TAFA2: variants seen among roughly 807,000 people sequenced by gnomAD.
TAFA2 encodes the protein chemokine-like protein TAFA-2.
A neutral mutation model predicts 18.8 loss-of-function variants in TAFA2; 7 were observed. The ratio of observed to expected loss-of-function variants is 0.37; its 90% CI spans 0.21 to 0.70. TAFA2 has a LOEUF of 0.70. Among genes scored for constraint, TAFA2 ranks in the 30% least tolerant of loss-of-function variants. The pLI, the probability that TAFA2 is intolerant of heterozygous loss-of-function variation, is 0.53. For missense variants in TAFA2, 122 were observed against 158.1 expected (o/e 0.77, Z 1.23); for synonymous variants, 60 against 54.2 (o/e 1.11, Z -0.47).
chr12:61,832,286 T>C (rs1403498282), intron 2 of TAFA2, among the ~76,000 whole-genome samples: 1 of 152,068 alleles, frequency 6.6e-6, no homozygotes, highest in Non-Finnish European at 1.5e-5. Context: ...ACCTGCCAGA[T>C]GTTCCCTCTG....
At chr12:61,933,960 G>C (rs1303521692) in intron 1 of TAFA2, among the ~76,000 whole-genome samples, 1 of 152,194 alleles carries the variant, frequency 6.6e-6, no homozygotes, top group South Asian at 2.1e-4. Flanking sequence ...CACTTGCTTT[G>C]AGTTGCAGTT....
intron 1 of TAFA2, among the ~76,000 whole-genome samples, chr12:62,064,449 G>A (rs1235702302): frequency 6.6e-6 from 1 of 151,870 alleles, no homozygotes; most frequent in Non-Finnish European, 1.5e-5. Flanking sequence ...TCTTATTAAT[G>A]TATTGCCAGT....
At chr12:61,803,020 T>C (rs1871461758) in intron 2 of TAFA2, among the ~76,000 whole-genome samples, 1 of 151,980 alleles carries the variant, frequency 6.6e-6, no homozygotes, top group Admixed American at 6.6e-5. Context: ...AGCTGTCTCT[T>C]AATAACAGTT....
At chr12:62,186,622 G>A (rs1052301247) in intron 1 of TAFA2, among the ~76,000 whole-genome samples, 1 of 152,108 alleles carries the variant, frequency 6.6e-6, no homozygotes, top group Non-Finnish European at 1.5e-5. Context: ...GCTGGGGAAA[G>A]GGAGATGTAA....
chr12:61,812,812 C>G (rs141478374), intron 2 of TAFA2, among the ~76,000 whole-genome samples: 3 of 151,184 alleles, frequency 2.0e-5, no homozygotes, highest in Admixed American at 6.6e-5. Flanking sequence ...TCAGGTGATC[C>G]ACCCACCTCA....
At chr12:62,157,950 A>C (rs1297911390) in intron 1 of TAFA2, among the ~76,000 whole-genome samples, 2 of 152,222 alleles carry the variant, frequency 1.3e-5, no homozygotes, top group Non-Finnish European at 2.9e-5. Context: ...CACAAAGTGC[A>C]CCATAAATAC....
chr12:61,870,822 C>T (rs937835151), intron 1 of TAFA2, among the ~76,000 whole-genome samples: 3 of 152,108 alleles, frequency 2.0e-5, no homozygotes, highest in South Asian at 4.1e-4. Flanking sequence ...TGCCCAAGAC[C>T]GTGTTGAGTG....
At chr12:62,058,628 T>C (rs1882252652) in intron 1 of TAFA2, among the ~76,000 whole-genome samples, 2 of 50,560 alleles carry the variant, frequency 4.0e-5, no homozygotes, top group African/African-American at 4.9e-5. Context: ...CCTCCCCCCT[T>C]TTTTTTCTGT....
intron 1 of TAFA2, among the ~76,000 whole-genome samples, chr12:62,171,949 G>C (rs1171624050): frequency 6.6e-6 from 1 of 152,046 alleles, no homozygotes; most frequent in Non-Finnish European, 1.5e-5. Flanking sequence ...TAAGAAACTG[G>C]CCAGAAGCCC....
At chr12:62,119,331 A>G (rs1304791007) in intron 1 of TAFA2, among the ~76,000 whole-genome samples, 7 of 150,130 alleles carry the variant, frequency 4.7e-5, no homozygotes, top group African/African-American at 7.4e-5. Flanking sequence ...CAATACTATC[A>G]AATACAATCA....
At chr12:61,914,453 G>T (rs1876737254) in intron 1 of TAFA2, among the ~76,000 whole-genome samples, 1 of 152,168 alleles carries the variant, frequency 6.6e-6, no homozygotes, top group South Asian at 2.1e-4. Flanking sequence ...TATAAGGTTG[G>T]AAATGCATTC....
intron 4 of TAFA2, among the ~76,000 whole-genome samples, chr12:61,722,736 C>G (rs140670323): frequency 4.3e-4 from 65 of 152,036 alleles, no homozygotes; most frequent in Non-Finnish European, 3.2e-4. Context: ...TCCTATATGT[C>G]TTATCTCTAA....
chr12:61,885,701 C>T (rs759972426), intron 1 of TAFA2, among the ~76,000 whole-genome samples: 5 of 152,184 alleles, frequency 3.3e-5, no homozygotes, highest in Admixed American at 1.3e-4. Flanking sequence ...TGGAAAACTA[C>T]ATAATTGTCC....
intron 1 of TAFA2, among the ~76,000 whole-genome samples, chr12:61,881,827 G>T (rs1281373941): frequency 3.9e-5 from 6 of 151,964 alleles, no homozygotes; most frequent in Non-Finnish European, 8.8e-5. Flanking sequence ...CAGCCTGGGG[G>T]CCACCAGGGT....
chr12:62,097,631 C>G (rs1345052325), intron 1 of TAFA2, among the ~76,000 whole-genome samples: 1 of 152,072 alleles, frequency 6.6e-6, no homozygotes, highest in African/African-American at 2.4e-5. Flanking sequence ...TCCTATAGGA[C>G]AGAACTAAGA....
chr12:61,840,187 T>G (rs1873115534), intron 2 of TAFA2, among the ~76,000 whole-genome samples: 1 of 152,054 alleles, frequency 6.6e-6, no homozygotes, highest in African/African-American at 2.4e-5. Context: ...AGTAGAGTTG[T>G]GTCTTGGTGT....
chr12:61,711,387 A>G (rs2120536008), intron 4 of TAFA2, among the ~76,000 whole-genome samples: 1 of 152,122 alleles, frequency 6.6e-6, no homozygotes, highest in South Asian at 2.1e-4. Context: ...TAAATTTCTA[A>G]TTCTATTCTA....
chr12:61,792,864 T>C (rs748601131), intron 2 of TAFA2, among the ~76,000 whole-genome samples: 1 of 151,298 alleles, frequency 6.6e-6, no homozygotes, highest in Non-Finnish European at 1.5e-5. Context: ...ACTTAAAAAG[T>C]AGAAAAAAAT....
At chr12:61,937,153 T>C (rs909359070) in intron 1 of TAFA2, among the ~76,000 whole-genome samples, 72 of 152,196 alleles carry the variant, frequency 4.7e-4, no homozygotes, top group African/African-American at 1.7e-3. Flanking sequence ...AAAGAAATCA[T>C]ATGACACGAA....
Sources: allele counts gnomAD v4.1 joint callset (sites outside exome capture counted in the v4.1 genomes callset), GRCh38; gene constraint gnomAD v4.1.1; transcripts MANE v1.5; gene names NCBI Gene and HGNC (gene_info 2026-07-23, HGNC 2026-07-21).